FSIP2: variants seen among roughly 807,000 people sequenced by gnomAD.
The protein encoded by FSIP2 is fibrous sheath-interacting protein 2.
A neutral mutation model predicts 510.5 loss-of-function variants in FSIP2; 367 were observed. That is an observed-to-expected ratio of 0.72 (90% confidence interval 0.66 to 0.78). The LOEUF is 0.78. Among genes scored for constraint, FSIP2 ranks in the 30% least tolerant of loss-of-function variants. The pLI, the probability that FSIP2 is intolerant of heterozygous loss-of-function variation, is 0.00. For missense variants in FSIP2, 7,594 were observed against 7,901.7 expected, an observed-to-expected ratio of 0.96 and a Z score of 1.48; for synonymous variants, 2,601 against 2,732.2, an observed-to-expected ratio of 0.95 and a Z score of 1.50.
At position 185,800,875 on chromosome 2, in the gene FSIP2, C is replaced by G; in HGVS notation, c.11569C>G (p.His3857Asp). The G allele has an allele frequency of 6.5e-7, 1 of 1,534,142 alleles. No individual in the cohort carries two copies. Among genetic ancestry groups the G allele is most frequent in the East Asian group, 2.4e-5 (1 of 40,824 alleles). Residue 3857 changes from histidine (H) to aspartate (D), a missense_variant, in exon 17 of 23, where the codon CAC (histidine) becomes GAC (aspartate). By Grantham distance (81) the His-to-Asp change is moderately conservative. Transcript: ENST00000424728. ...LVKSLMDKLS[H>D]SIQQAPESLP... ...TAAATCATTGATGGACAAATTATCT[C>G]ACAGCATACAACAAGCTCCGGAAAG...
At chr2:185,831,740 T>G (rs536011023) in intron 21 of FSIP2, 73 bp from the exon 22 acceptor site, 1 of 902,686 alleles carries the variant, frequency 1.1e-6, no homozygotes, top group Non-Finnish European at 1.9e-6. Flanking sequence ...CTAGTGGATT[T>G]GAGGACTTAT....
Position 185,807,620 on chromosome 2 carries a change from G to C in FSIP2, c.18314G>C (p.Cys6105Ser). Residue 6105 changes from cysteine (C) to serine (S), a missense_variant, in exon 17 of 23, where the codon TGT becomes TCT. Cys to Ser is a moderately radical substitution (Grantham distance 112). Transcript: ENST00000424728. ...GGATCACAAGAGATTATACAAAATT[G>C]TGTAACCAGTGGATGCAAAATCCTT... ...QFGSQEIIQN[C>S]VTSGCKILSE... 6.2e-7 allele frequency: 1 copy of C among 1,612,946 alleles called. No homozygotes were observed. The highest frequency in any genetic ancestry group is 8.5e-7 in the Non-Finnish European group (1 of 1,179,318).
Position 185,807,207 on chromosome 2 carries a change from T to C in FSIP2, c.17901T>C (p.Cys5967=). 2 of 1,603,800 alleles carry C rather than the reference T, an allele frequency of 1.2e-6. No individual in the cohort carries two copies. Among genetic ancestry groups the C allele is most frequent in the African/African-American group, 1.3e-5 (1 of 74,318 alleles). ...AACGTCAGGTTAACTTGATATTTTG[T>C]GATGAGGTTTCAGTTTCAGCATGTT... ...IFQRQVNLIF[C]DEVSVSACLP... Residue 5967 remains cysteine (C), a synonymous_variant, in exon 17 of 23, where the codon TGT becomes TGC. Coordinates refer to ENST00000424728, the MANE Select transcript of FSIP2 (RefSeq NM_173651.4).
chr2:185,760,452 A>G (rs1253381243), intron 9 of FSIP2, among the ~76,000 whole-genome samples: 2 of 148,686 alleles, frequency 1.3e-5, no homozygotes, highest in Non-Finnish European at 3.0e-5. Flanking sequence ...GAAAGTTCAA[A>G]GAAATTTATT....
chr2:185,831,682 C>T, intron 21 of FSIP2, 131 bp from the exon 22 acceptor site: 2 of 651,948 alleles, frequency 3.1e-6, no homozygotes. Context: ...GACTGCAGAG[C>T]ACAGATATAT....
intron 19 of FSIP2, among the ~76,000 whole-genome samples, chr2:185,821,057 C>T (rs6719416): frequency 0.11 from 13,866 of 123,004 alleles, 750 homozygotes; most frequent in Middle Eastern, 0.16. Context: ...ATTGACAAGT[C>T]TTTAGCTAGA....
At chr2:185,768,335 T>C (rs370892481) in intron 13 of FSIP2, among the ~76,000 whole-genome samples, 3 of 152,264 alleles carry the variant, frequency 2.0e-5, no homozygotes, top group Middle Eastern at 3.4e-3. Flanking sequence ...CAAACATTTA[T>C]TGCCCAGATC....
intron 17 of FSIP2, among the ~76,000 whole-genome samples, chr2:185,811,362 C>T (rs944840950): frequency 6.0e-5 from 9 of 151,048 alleles, no homozygotes; most frequent in South Asian, 2.1e-4. Flanking sequence ...CCAGCTACTT[C>T]GGAGGCTGAG....
Position 185,794,924 on chromosome 2 carries a change from C to T in FSIP2, c.7788C>T (p.Ser2596=), listed in dbSNP as rs1442444530. 6.5e-7 allele frequency: 1 copy of T among 1,533,852 alleles called. No individual in the cohort carries two copies. Among genetic ancestry groups the T allele is most frequent in the Non-Finnish European group, 8.7e-7 (1 of 1,145,292 alleles). ...AACAAGCAGGAAAAATAAGTAATTC[C>T]CCTAGATATGCGATATCACAGGCTT... ...ETKQAGKISN[S]PRYAISQAYS... is the part of the protein sequence containing the mutation. Residue 2596 remains serine (S), a synonymous_variant, in exon 16 of 23, where the codon TCC becomes TCT. Transcript: ENST00000424728.
At chr2:185,745,858 G>A (rs11893024) in intron 5 of FSIP2, among the ~76,000 whole-genome samples, 99,704 of 151,944 alleles carry the variant, frequency 0.66, 33,020 homozygotes, top group South Asian at 0.73. Flanking sequence ...TATTCAAACA[G>A]TAACAGCTTT....
At position 185,792,898 on chromosome 2, in the gene FSIP2, T is replaced by C; in HGVS notation, c.5762T>C (p.Val1921Ala). The change falls in exon 16 of 23, where the codon GTA becomes GCA. Residue 1921 changes from valine to alanine, a missense_variant. Val to Ala is a moderately conservative substitution (Grantham distance 64). Coordinates refer to ENST00000424728, the MANE Select transcript of FSIP2 (RefSeq NM_173651.4). Reference sequence around the variant, plus strand: ...AAGGTAAATCTAGCTGAAGATATTGTACAGGCAATATTAACAAATTTAGAA... The same window carrying C: ...AAGGTAAATCTAGCTGAAGATATTGCACAGGCAATATTAACAAATTTAGAA... Reference protein sequence around the residue: ...ETKVNLAEDIVQAILTNLETF... With the variant: ...ETKVNLAEDIAQAILTNLETF... 2 of 1,533,760 alleles carry C rather than the reference T, an allele frequency of 1.3e-6. No individual in the cohort carries two copies. Among genetic ancestry groups the C allele is most frequent in the South Asian group, 2.4e-5 (2 of 84,018 alleles).
rs1294432270 is a variant in FSIP2, at chr2:185,746,645, AGCAATATTT to A, written c.618-20_618-12del. 4 of 1,477,168 alleles carry A rather than the reference AGCAATATTT, an allele frequency of 2.7e-6. No individual in the cohort carries two copies. In the Admixed American group the frequency reaches 7.4e-5, roughly 27 times the overall value. The allele number at this position is 1,477,168 out of a possible 1,614,324, so 91.5% of individuals were successfully genotyped here. On this transcript the variant is annotated splice_polypyrimidine_tract_variant and intron_variant, in intron 5 of 22. Transcript: ENST00000424728. ...TAAAAGAAACAGCCAATTCACCTTT[AGCAATATTT>A]GCACTCTTACTCAGATATTTGGATA... is the stretch of plus-strand genomic sequence containing the variant.
Position 185,804,009 on chromosome 2 carries a change from A to C in FSIP2, c.14703A>C (p.Lys4901Asn), listed in dbSNP as rs995347865. ...CAAAAATAGCGAGTTTTATAATAAA[A>C]GAAATCTTTAACCATCATATTCAAT... The part of the protein sequence containing the change: ...PVSKIASFII[K>N]EIFNHHIQSF... The change falls in exon 17 of 23, where the codon AAA becomes AAC. Residue 4901 changes from lysine to asparagine, a missense_variant. Transcript: ENST00000424728. 32 of 1,498,598 alleles carry C rather than the reference A, an allele frequency of 2.1e-5. No individual in the cohort carries two copies. Among genetic ancestry groups the C allele is most frequent in the African/African-American group, 2.8e-5 (2 of 70,912 alleles). 92.8% of individuals were successfully genotyped at this position (1,498,598 alleles called of 1,614,324 possible).
At chr2:185,761,266 G>C (rs1292549733) in intron 10 of FSIP2, among the ~76,000 whole-genome samples, 163 bp downstream of exon 10, 1 of 151,058 alleles carries the variant, frequency 6.6e-6, no homozygotes, top group Non-Finnish European at 1.5e-5. Flanking sequence ...AAAGTGTTAA[G>C]TTAGCTTTGT....
chr2:185,782,723 C>T lies in FSIP2; in HGVS notation c.1430C>T (p.Thr477Ile), dbSNP rs1692878748. The stretch of plus-strand genomic sequence containing the variant: ...TAAATAGGACCTCAGGCTCATGCTA[C>T]AGACCCGGGTATATTTTCTTCTCCT... ...LCESGPQAHA[T>I]DPGIFSSPVY... Residue 477 changes from threonine to isoleucine, a missense_variant, in exon 14 of 23, where the codon ACA becomes ATA. Coordinates refer to ENST00000424728, the MANE Select transcript of FSIP2 (RefSeq NM_173651.4). The T allele has an allele frequency of 2.6e-6, 4 of 1,516,386 alleles. No homozygotes were observed. Among genetic ancestry groups the T allele is most frequent in the Non-Finnish European group, 3.5e-6 (4 of 1,129,048 alleles). 93.9% of individuals were successfully genotyped at this position (1,516,386 alleles called of 1,614,324 possible).
rs1693413711 is a variant in FSIP2, at chr2:185,800,740, G to A, written c.11434G>A (p.Glu3812Lys). The change falls in exon 17 of 23, where the codon GAA (glutamate) becomes AAA (lysine). Residue 3812 changes from glutamate (E) to lysine (K), a missense_variant. Physicochemically the swap from Glu to Lys is moderately conservative, Grantham distance 56. Coordinates refer to ENST00000424728, the MANE Select transcript of FSIP2 (RefSeq NM_173651.4). ...TTATCGTAAGGGAGGAATGGACTGT[G>A]AATGCCTTCAAGTAGATTACATGTC... The part of the protein sequence containing the change: ...SDYRKGGMDC[E>K]CLQVDYMSDL... The A allele has an allele frequency of 6.5e-7, 1 of 1,533,544 alleles. No individual in the cohort carries two copies. The highest frequency in any genetic ancestry group is 1.2e-5 in the South Asian group (1 of 83,816). The allele number at this position is 1,533,544 out of a possible 1,614,324, so 95.0% of individuals were successfully genotyped here.
chr2:185,745,319 A>G (rs1389591150), intron 4 of FSIP2, 110 bp from the exon 5 acceptor site: 7 of 607,074 alleles, frequency 1.2e-5, no homozygotes, highest in Non-Finnish European at 1.7e-5. Context: ...ATAGATGTAA[A>G]TGCAATTAAA....
chr2:185,762,030 A>G lies in FSIP2; in HGVS notation c.1240+13A>G, dbSNP rs1692362558. On this transcript the variant is annotated intron_variant, in intron 11 of 22. Coordinates refer to ENST00000424728, the MANE Select transcript of FSIP2 (RefSeq NM_173651.4). ...TTCGATGATAGAGGTAAGAAAATAA[A>G]CAATAGTCATAATTTTTCTGTTATT... 3.0e-6 allele frequency: 4 copies of G among 1,321,638 alleles called. No homozygotes were observed. The highest frequency in any genetic ancestry group is 3.1e-6 in the Non-Finnish European group (3 of 956,958). 81.9% of individuals were successfully genotyped at this position (1,321,638 alleles called of 1,614,324 possible). A position where few individuals can be genotyped will look rare whatever the true frequency, so the allele number is the denominator to read the frequency against.
At chr2:185,832,382 C>T (rs1338837750) in intron 22 of FSIP2, among the ~76,000 whole-genome samples, 1 of 151,774 alleles carries the variant, frequency 6.6e-6, no homozygotes, top group Non-Finnish European at 1.5e-5. Flanking sequence ...TGCTACTCAT[C>T]TACAATCACT....
Sources: gnomAD v4.1 joint callset for allele counts (sites outside exome capture counted in the v4.1 genomes callset) on GRCh38, gnomAD v4.1.1 for gene constraint, MANE v1.5 for transcripts, NCBI Gene and HGNC (gene_info 2026-07-23, HGNC 2026-07-21) for gene names.